The following PDE1A variants were observed in gnomAD, a reference collection of about 807,000 sequenced individuals.
The protein encoded by PDE1A is phosphodiesterase 1A.
A neutral mutation model predicts 61.7 loss-of-function variants in PDE1A; 35 were observed. The observed-to-expected ratio is 0.57, with a 90% confidence interval of 0.43 to 0.75. PDE1A has a LOEUF of 0.75. PDE1A is among the 30% of genes least tolerant of loss of function. PDE1A has a pLI of 0.00. For missense variants in PDE1A, 597 were observed against 630.6 expected (o/e 0.95, Z 0.57); for synonymous variants, 232 against 213.2 (o/e 1.09, Z -0.77).
chr2:182,611,280 C>G, the PDE1A span, among the ~76,000 whole-genome samples: 1 of 152,124 alleles, frequency 6.6e-6, no homozygotes, highest in Non-Finnish European at 1.5e-5. Flanking sequence ...CTGTTTACCA[C>G]TTGAGGAGCG....
At chr2:182,616,271 C>T in the PDE1A span, among the ~76,000 whole-genome samples, 1 of 152,140 alleles carries the variant, frequency 6.6e-6, no homozygotes, top group Non-Finnish European at 1.5e-5. Context: ...TATAGTCTTA[C>T]AACAAGTTAT....
the PDE1A span, among the ~76,000 whole-genome samples, chr2:182,610,116 G>T: frequency 6.6e-6 from 1 of 151,512 alleles, no homozygotes; most frequent in Non-Finnish European, 1.5e-5. Context: ...AGAAATGCAT[G>T]CTCAGAGGAG....
At chr2:182,393,886 A>G (rs1435855951) in intron 1 of PDE1A, among the ~76,000 whole-genome samples, 1 of 152,218 alleles carries the variant, frequency 6.6e-6, no homozygotes. Context: ...TTCATTGTCC[A>G]TATCATTATC....
At chr2:182,323,049 CT>C (rs1468091968) in intron 1 of PDE1A, among the ~76,000 whole-genome samples, 2 of 152,064 alleles carry the variant, frequency 1.3e-5, no homozygotes, top group Admixed American at 1.3e-4. Flanking sequence ...TCTTGTAAGA[CT>C]CATAAAAAGT....
chr2:182,673,630 A>T, the PDE1A span, among the ~76,000 whole-genome samples: 2,102 of 152,162 alleles, frequency 0.014, 132 homozygotes, highest in Admixed American at 0.11. Flanking sequence ...TTGTAATCTA[A>T]TTCCATTTAA....
chr2:182,534,498 T>C, the PDE1A span, among the ~76,000 whole-genome samples: 1 of 151,958 alleles, frequency 6.6e-6, no homozygotes, highest in Non-Finnish European at 1.5e-5. Flanking sequence ...AAATTTTTTC[T>C]TTCAAATTAC....
chr2:182,214,764 G>C (rs1486213835), intron 7 of PDE1A, among the ~76,000 whole-genome samples: 2 of 126,526 alleles, frequency 1.6e-5, no homozygotes, highest in Non-Finnish European at 3.3e-5. Context: ...GTTTCATAAA[G>C]CAAGTCCTGA....
chr2:182,175,166 C>G (rs1692623830), intron 13 of PDE1A, among the ~76,000 whole-genome samples: 1 of 152,104 alleles, frequency 6.6e-6, no homozygotes, highest in African/African-American at 2.4e-5. Context: ...TGGGTTGGTT[C>G]CAAGTCTTTG....
chr2:182,292,812 T>C (rs1694625868), intron 1 of PDE1A, among the ~76,000 whole-genome samples: 1 of 152,038 alleles, frequency 6.6e-6, no homozygotes, highest in Non-Finnish European at 1.5e-5. Context: ...TTCCAGTGGT[T>C]ATAATAATAT....
At chr2:182,603,423 T>C in the PDE1A span, among the ~76,000 whole-genome samples, 1 of 152,220 alleles carries the variant, frequency 6.6e-6, no homozygotes, top group Non-Finnish European at 1.5e-5. Flanking sequence ...CTCAGTTCAC[T>C]GTAACCACCA....
At chr2:182,301,022 A>G (rs1432112232) in intron 1 of PDE1A, among the ~76,000 whole-genome samples, 2 of 152,158 alleles carry the variant, frequency 1.3e-5, no homozygotes, top group African/African-American at 4.8e-5. Context: ...GGGATCAATA[A>G]ATATTTTAGA....
intron 7 of PDE1A, among the ~76,000 whole-genome samples, chr2:182,219,780 C>T (rs1362860062): frequency 6.6e-6 from 1 of 151,978 alleles, no homozygotes; most frequent in Non-Finnish European, 1.5e-5. Context: ...ATGAAAAGTT[C>T]CCACTAAAAC....
chr2:182,197,388 AAGT>A (rs1559169557), intron 10 of PDE1A, among the ~76,000 whole-genome samples: 1 of 151,112 alleles, frequency 6.6e-6, no homozygotes, highest in Non-Finnish European at 1.5e-5. Context: ...GGAAGATCAG[AAGT>A]TTTGAGTTTT....
chr2:182,571,671 AAAT>A, the PDE1A span, among the ~76,000 whole-genome samples: 936 of 151,648 alleles, frequency 6.2e-3, 13 homozygotes, highest in African/African-American at 0.022. Flanking sequence ...TTATATTTAA[AAAT>A]AATAATAATA....
chr2:182,356,265 A>T (rs1405184034), intron 1 of PDE1A, among the ~76,000 whole-genome samples: 1 of 152,076 alleles, frequency 6.6e-6, no homozygotes, highest in African/African-American at 2.4e-5. Context: ...ATTAGTAGTG[A>T]CTAGGGAATA....
chr2:182,667,871 G>C, the PDE1A span, among the ~76,000 whole-genome samples: 3 of 152,156 alleles, frequency 2.0e-5, no homozygotes, highest in Admixed American at 6.5e-5. Context: ...CTTGGGATCT[G>C]AAAATAGGGC....
intron 1 of PDE1A, among the ~76,000 whole-genome samples, chr2:182,350,501 G>T (rs1698809113): frequency 6.6e-6 from 1 of 152,126 alleles, no homozygotes; most frequent in African/African-American, 2.4e-5. Flanking sequence ...GAATGTACAG[G>T]TTACAGTGCA....
In PDE1A at chr2:182,147,100, T is replaced by A. The variant is rs765483993; in HGVS notation, c.1569A>T (p.Lys523Asn). The A allele has an allele frequency of 1.4e-5, 22 of 1,607,688 alleles. No homozygotes were observed. The highest frequency in any genetic ancestry group is 1.8e-5 in the Non-Finnish European group (21 of 1,175,378). The change falls in exon 14 of 14, where the codon AAA (lysine) becomes AAT (asparagine). Residue 523 changes from lysine to asparagine, a missense_variant. Coordinates refer to the PDE1A transcript ENST00000409365. ...GGGCCTATGAATGTGTCTCATCATG[T>A]TTTTCTTCAGCATTTACTAAGTCTT...
chr2:182,684,038 G>A, the PDE1A span, among the ~76,000 whole-genome samples: 19 of 150,850 alleles, frequency 1.3e-4, no homozygotes, highest in African/African-American at 3.7e-4. Context: ...CAGGGGAATC[G>A]CTTGAACCTG....
Sources: allele counts gnomAD v4.1 joint callset (sites outside exome capture counted in the v4.1 genomes callset), GRCh38; gene constraint gnomAD v4.1.1; transcripts MANE v1.5; gene names NCBI Gene and HGNC (gene_info 2026-07-23, HGNC 2026-07-21).